RCSD1: variants seen among roughly 807,000 people sequenced by gnomAD.
RCSD1 encodes capZ-interacting protein.
A neutral mutation model predicts 42.5 loss-of-function variants in RCSD1; 26 were observed. The observed-to-expected ratio is 0.61, with a 90% CI of 0.45 to 0.85. The LOEUF (loss-of-function observed/expected upper bound fraction) is 0.85. RCSD1 is among the 40% of genes least tolerant of loss of function. The pLI is 0.00. For synonymous variants in RCSD1, 220 were observed against 212.2 expected (o/e 1.04, Z -0.32); for missense variants, 571 against 528.3 (o/e 1.08, Z -0.79).
At chr1:167,658,989 A>G (rs574189003) in intron 1 of RCSD1, among the ~76,000 whole-genome samples, 84 of 152,234 alleles carry the variant, frequency 5.5e-4, no homozygotes, top group African/African-American at 2.0e-3. Context: ...GTAACAAGTC[A>G]CATTTACTCC....
intron 6 of RCSD1, among the ~76,000 whole-genome samples, chr1:167,702,273 G>A (rs921915214): frequency 5.3e-5 from 8 of 152,206 alleles, no homozygotes; most frequent in African/African-American, 9.7e-5. Context: ...GGCATCAGAC[G>A]TGTGAAAGCA....
Position 167,683,962 on chromosome 1 carries a change from G to T in RCSD1, c.69G>T (p.Leu23=). The change falls in exon 2 of 7, where the codon CTG becomes CTT. Residue 23 remains leucine (L), a synonymous_variant. Transcript: ENST00000367854. Reference sequence around the variant, plus strand: ...CGGCGTCCCCCTCGGTGGCCCAGCTGGCCGGGCGGTTTAGGGAGCAGGCGG... The same window carrying T: ...CGGCGTCCCCCTCGGTGGCCCAGCTTGCCGGGCGGTTTAGGGAGCAGGCGG... ...DNSASPSVAQ[L]AGRFREQAAA... 1 of 1,614,112 alleles carries T rather than the reference G, an allele frequency of 6.2e-7. No individual in the cohort carries two copies.
chr1:167,682,693 G>GTT (rs1478831520), intron 1 of RCSD1, among the ~76,000 whole-genome samples: 2 of 151,846 alleles, frequency 1.3e-5, no homozygotes, highest in African/African-American at 4.8e-5. Context: ...GTGTGTGTGT[G>GTT]TGTGTGTGTG....
intron 1 of RCSD1, among the ~76,000 whole-genome samples, chr1:167,678,311 T>G (rs1394341962): frequency 6.6e-6 from 1 of 152,118 alleles, no homozygotes; most frequent in Non-Finnish European, 1.5e-5. Context: ...CTGCATTGCA[T>G]CTCCACTTAG....
At position 167,697,745 on chromosome 1, in the gene RCSD1, G is replaced by T; in HGVS notation, c.1121G>T (p.Gly374Val). ...AAAGGCAAGGAAAAACAACAGGAGG[G>T]GGCAGTGCTCGAGCCAGGCTGCAGC... Reference protein sequence around the residue: ...QEKGKEKQQEGAVLEPGCSPQ... With the variant: ...QEKGKEKQQEVAVLEPGCSPQ... Residue 374 changes from glycine to valine, a missense_variant, in exon 6 of 7, where the codon GGG (glycine) becomes GTG (valine). By Grantham distance (109) the Gly-to-Val change is moderately radical (BLOSUM62 -3). Transcript: ENST00000367854. 6.4e-7 allele frequency: 1 copy of T among 1,560,320 alleles called. No homozygotes were observed. Among genetic ancestry groups the T allele is most frequent in the Middle Eastern group, 1.7e-4 (1 of 5,882 alleles).
intron 4 of RCSD1, among the ~76,000 whole-genome samples, chr1:167,690,545 G>T (rs1659349962): frequency 6.6e-6 from 1 of 152,098 alleles, no homozygotes; most frequent in South Asian, 2.1e-4. Context: ...ATGGTGATGT[G>T]CACCTGTAGT....
chr1:167,645,312 G>T (rs1658106534), intron 1 of RCSD1, among the ~76,000 whole-genome samples: 1 of 152,304 alleles, frequency 6.6e-6, no homozygotes, highest in South Asian at 2.1e-4. Flanking sequence ...GCATGCATTT[G>T]TTCCACAAAT....
chr1:167,639,874 C>G (rs1475601573), intron 1 of RCSD1, among the ~76,000 whole-genome samples: 3 of 152,224 alleles, frequency 2.0e-5, no homozygotes, highest in Non-Finnish European at 4.4e-5. Flanking sequence ...CAGCGCCACG[C>G]CTTGTTCTAC....
chr1:167,631,688 T>C (rs1406044630), intron 1 of RCSD1, among the ~76,000 whole-genome samples: 2 of 152,212 alleles, frequency 1.3e-5, no homozygotes, highest in South Asian at 2.1e-4. Flanking sequence ...TCTCACTATA[T>C]TACCCATGCT....
chr1:167,667,876 TCATTTACCGG>T (rs1658697235), intron 1 of RCSD1, among the ~76,000 whole-genome samples: 1 of 152,206 alleles, frequency 6.6e-6, no homozygotes, highest in African/African-American at 2.4e-5. Context: ...ATTTGTTCAT[TCATTTACCGG>T]CATTTACTGA....
At chr1:167,668,779 T>TG (rs1304335354) in intron 1 of RCSD1, among the ~76,000 whole-genome samples, 3 of 148,050 alleles carry the variant, frequency 2.0e-5, no homozygotes, top group Non-Finnish European at 4.5e-5. Flanking sequence ...TCTGCCTGAA[T>TG]GGGGGAAGGT....
At position 167,697,523 on chromosome 1, in the gene RCSD1, G is replaced by C. The variant is rs756208526; in HGVS notation, c.899G>C (p.Arg300Thr). ...GCAGAAAATAGGTGTGGGAGCCCCAGGGAGGAAAAGCCAGCTGGAGAGGAA... is the reference window on the plus strand; with the variant it reads ...GCAGAAAATAGGTGTGGGAGCCCCACGGAGGAAAAGCCAGCTGGAGAGGAA... ...PEAENRCGSP[R>T]EEKPAGEEAE... The change falls in exon 6 of 7, where the codon AGG becomes ACG. Residue 300 changes from arginine (R) to threonine (T), a missense_variant. Transcript: ENST00000367854. The C allele has an allele frequency of 1.2e-6, 2 of 1,606,422 alleles. No individual in the cohort carries two copies. Among genetic ancestry groups the C allele is most frequent in the African/African-American group, 1.3e-5 (1 of 74,736 alleles).
intron 6 of RCSD1, among the ~76,000 whole-genome samples, chr1:167,703,993 T>C (rs1328314611): frequency 6.6e-6 from 1 of 152,090 alleles, no homozygotes; most frequent in African/African-American, 2.4e-5. Context: ...ATGGTCCACA[T>C]CACACCCCAC....
chr1:167,639,432 C>T (rs1657950211), intron 1 of RCSD1, among the ~76,000 whole-genome samples: 1 of 152,114 alleles, frequency 6.6e-6, no homozygotes, highest in Non-Finnish European at 1.5e-5. Context: ...GCAAGCACTA[C>T]TATCTGTGGG....
At chr1:167,701,675 T>C (rs1411823618) in intron 6 of RCSD1, among the ~76,000 whole-genome samples, 1 of 152,132 alleles carries the variant, frequency 6.6e-6, no homozygotes, top group Non-Finnish European at 1.5e-5. Context: ...CAGAGCTCAG[T>C]CAATGTTGAC....
intron 1 of RCSD1, among the ~76,000 whole-genome samples, chr1:167,680,951 G>A (rs920291775): frequency 2.0e-5 from 3 of 152,224 alleles, no homozygotes; most frequent in Admixed American, 6.5e-5. Flanking sequence ...CGGGACTGCC[G>A]TGAAGAGCTC....
chr1:167,671,992 C>T (rs968469530), intron 1 of RCSD1, among the ~76,000 whole-genome samples: 4 of 152,190 alleles, frequency 2.6e-5, no homozygotes, highest in Non-Finnish European at 5.9e-5. Context: ...TCCCGGGTGC[C>T]TCTGGCCAGG....
intron 4 of RCSD1, among the ~76,000 whole-genome samples, 189 bp from the exon 5 acceptor site, chr1:167,693,910 A>G (rs74120635): frequency 0.023 from 3,513 of 149,836 alleles, 43 homozygotes; most frequent in Middle Eastern, 0.032. Flanking sequence ...GTAGCAGAGG[A>G]GGATAGAGTA....
chr1:167,647,307 G>A (rs1488009472), intron 1 of RCSD1, among the ~76,000 whole-genome samples: 4 of 151,802 alleles, frequency 2.6e-5, no homozygotes, highest in African/African-American at 9.7e-5. Context: ...TAAAACAAGG[G>A]GCCAAGCACA....
Sources: gnomAD v4.1 joint callset for allele counts (sites outside exome capture counted in the v4.1 genomes callset) on GRCh38, gnomAD v4.1.1 for gene constraint, MANE v1.5 for transcripts, NCBI Gene and HGNC (gene_info 2026-07-23, HGNC 2026-07-21) for gene names.